The following DROSHA variants were observed in gnomAD, a reference collection of about 807,000 sequenced individuals.
DROSHA encodes ribonuclease 3.
In DROSHA, 56 loss-of-function variants were observed where a neutral mutation model predicts 181.9. The observed-to-expected ratio is 0.31, with a 90% CI of 0.25 to 0.38. The LOEUF (loss-of-function observed/expected upper bound fraction) is 0.38, where lower values mean the gene tolerates loss of function less well. Among genes scored for constraint, DROSHA ranks in the 10% least tolerant of loss-of-function variants. The probability of loss-of-function intolerance (pLI) is 1.00; values close to 1 mark genes in which losing one functional copy is unlikely to be tolerated. For synonymous variants in DROSHA, 524 were observed against 591.2 expected (o/e 0.89, Z 1.65); for missense variants, 1,218 against 1,743.5 (o/e 0.70, Z 5.37).
chr5:31,514,196 T>G lies in DROSHA; in HGVS notation c.1290+792A>C, dbSNP rs1217104635. On this transcript the variant is annotated intron_variant, in intron 8 of 35. Transcript: ENST00000344624. This position sits in a 1 kb window ranked among gnomAD's most constrained non-coding sequence, Gnocchi z 4.4. ...AAGGATACACTTCGAAGAGACAAACTCAAATTCTTCCTTATTTTTCATTTT... is the reference window on the plus strand; with the variant it reads ...AAGGATACACTTCGAAGAGACAAACGCAAATTCTTCCTTATTTTTCATTTT... Among the ~76,000 whole-genome samples the G allele has an allele frequency of 1.3e-5, 2 of 150,876 alleles. No individual in the cohort carries two copies. The highest frequency in any genetic ancestry group is 1.3e-4 in the Admixed American group (2 of 15,074).
intron 25 of DROSHA, among the ~76,000 whole-genome samples, chr5:31,432,699 G>A (rs1333971997): frequency 6.6e-6 from 1 of 152,080 alleles, no homozygotes; most frequent in African/African-American, 2.4e-5. Context: ...AGAGTTTAGA[G>A]CCAAATTTGT....
intron 9 of DROSHA, among the ~76,000 whole-genome samples, chr5:31,509,862 A>G (rs1561274848): frequency 6.6e-6 from 1 of 152,206 alleles, no homozygotes; most frequent in Non-Finnish European, 1.5e-5. Flanking sequence ...GTAGCATAGT[A>G]GTAATAAGGG....
chr5:31,469,759 T>C (rs1290380532), intron 17 of DROSHA, among the ~76,000 whole-genome samples: 3 of 152,192 alleles, frequency 2.0e-5, no homozygotes, highest in Admixed American at 6.5e-5. Flanking sequence ...AAATATATTC[T>C]AGACTTTGGC....
In DROSHA at chr5:31,439,879, G is replaced by A. The variant is rs140713734; in HGVS notation, c.2883-2581C>T. Among the ~76,000 whole-genome samples the A allele has an allele frequency of 3.1e-3, 465 of 152,260 alleles. 2 individuals carry two copies. Among genetic ancestry groups the A allele is most frequent in the African/African-American group, 0.011 (439 of 41,554 alleles). ...AGGACACGCAGAGCCCATGGGGCCT[G>A]AGCAAAGACAGCAAAGGACAGGCTT... is the stretch of plus-strand genomic sequence containing the variant. On this transcript the variant is annotated intron_variant, in intron 23 of 35. Coordinates refer to ENST00000344624, the MANE Select transcript of DROSHA (RefSeq NM_001382508.1).
rs144341221 is a variant in DROSHA at position 31,459,918 on chromosome 5, A to G, written c.2574+4318T>C. 2.9e-3 allele frequency among the ~76,000 whole-genome samples: 448 copies of G among 152,178 alleles called. 1 individual carries two copies. Among genetic ancestry groups the G allele is most frequent in the African/African-American group, 0.01 (429 of 41,522 alleles). On this transcript the variant is annotated intron_variant, in intron 20 of 35. Transcript: ENST00000344624. ...CTTTTTTTTTCCTTAAGAAGTTACAATGTCTCCGCATTTGGCATGAGTCTC... is the reference window on the plus strand; with the variant it reads ...CTTTTTTTTTCCTTAAGAAGTTACAGTGTCTCCGCATTTGGCATGAGTCTC...
chr5:31,427,731 CTT>C (rs1743662108), intron 27 of DROSHA, among the ~76,000 whole-genome samples: 1 of 152,240 alleles, frequency 6.6e-6, no homozygotes. Context: ...ATCAACCTGA[CTT>C]TGTTGCCTAC....
At chr5:31,441,246 C>T (rs1213499098) in intron 23 of DROSHA, among the ~76,000 whole-genome samples, 2 of 151,884 alleles carry the variant, frequency 1.3e-5, no homozygotes, top group East Asian at 3.9e-4. Context: ...CTTGTCTGTA[C>T]AAAAAATTTT....
At chr5:31,487,744 C>A (rs975955294) in intron 13 of DROSHA, among the ~76,000 whole-genome samples, 2 of 152,088 alleles carry the variant, frequency 1.3e-5, no homozygotes, top group Non-Finnish European at 2.9e-5. Context: ...AAGTTTAGTT[C>A]TTGGGGGCTT....
chr5:31,527,542 A>C (rs1480151374), intron 4 of DROSHA: 2 of 154,414 alleles, frequency 1.3e-5, no homozygotes, highest in African/African-American at 4.8e-5. Flanking sequence ...TGCTGATGAA[A>C]TCATAACGCT....
intron 30 of DROSHA, among the ~76,000 whole-genome samples, chr5:31,420,712 G>A (rs1580018497): frequency 6.7e-6 from 1 of 149,246 alleles, no homozygotes; most frequent in East Asian, 1.9e-4. Flanking sequence ...AATCCCAATG[G>A]CTAAATCCTA....
intron 12 of DROSHA, among the ~76,000 whole-genome samples, chr5:31,494,942 G>A (rs1231962145): frequency 6.6e-6 from 1 of 152,108 alleles, no homozygotes; most frequent in East Asian, 1.9e-4. Flanking sequence ...CCAAAGTGCT[G>A]GTATTACAGG....
rs748123754 is a variant in DROSHA, at chr5:31,477,070, C to T, written c.2072-4838G>A. ...GGTAAGCTAAGGTTAGCAGGAATTC[C>T]GCCAACTCTGGGACTGGAACTGTGA... On this transcript the variant is annotated intron_variant, in intron 16 of 35. Coordinates refer to ENST00000344624, the MANE Select transcript of DROSHA (RefSeq NM_001382508.1). Among the ~76,000 whole-genome samples the T allele has an allele frequency of 3.9e-5, 6 of 152,202 alleles. No homozygotes were observed. The East Asian group carries it at 7.7e-4, about 20-fold the overall frequency.
intron 20 of DROSHA, among the ~76,000 whole-genome samples, chr5:31,462,628 T>C (rs1178060522): frequency 4.2e-5 from 5 of 118,290 alleles, no homozygotes; most frequent in African/African-American, 1.7e-4. Flanking sequence ...AGCACTCTTG[T>C]TTGCTTCACA....
chr5:31,453,785 A>C (rs1470421541), intron 20 of DROSHA, among the ~76,000 whole-genome samples: 1 of 152,180 alleles, frequency 6.6e-6, no homozygotes, highest in African/African-American at 2.4e-5. Flanking sequence ...ACCCGTGTCC[A>C]TCTTGAATCC....
At chr5:31,513,543 A>G (rs548798537) in intron 8 of DROSHA, among the ~76,000 whole-genome samples, 1 of 152,332 alleles carries the variant, frequency 6.6e-6, no homozygotes, top group African/African-American at 2.4e-5. Context: ...CCTTCCCTGT[A>G]CCACATCAAC....
intron 10 of DROSHA, among the ~76,000 whole-genome samples, chr5:31,507,077 G>C (rs370252343): frequency 6.6e-6 from 1 of 152,142 alleles, no homozygotes; most frequent in African/African-American, 2.4e-5. Flanking sequence ...CACTTTGGGA[G>C]GCTGAGGCAG....
At chr5:31,529,734 C>CAAAAAAAAAAAACAAAAAAAAAAAAA (rs1741031817) in intron 3 of DROSHA, among the ~76,000 whole-genome samples, 1 of 91,330 alleles carries the variant, frequency 1.1e-5, no homozygotes, top group Non-Finnish European at 2.3e-5. Flanking sequence ...AAAAAACAAA[C>CAAAAAAAAAAAACAAAAAAAAAAAAA]AAAAAAAAAA....
intron 30 of DROSHA, among the ~76,000 whole-genome samples, chr5:31,420,725 T>C (rs1742559762): frequency 6.6e-6 from 1 of 152,174 alleles, no homozygotes; most frequent in Non-Finnish European, 1.5e-5. Context: ...AAATCCTAAC[T>C]ATCTTTAAAG....
At chr5:31,437,966 A>C (rs1436724134) in intron 23 of DROSHA, among the ~76,000 whole-genome samples, 1 of 152,156 alleles carries the variant, frequency 6.6e-6, no homozygotes, top group Non-Finnish European at 1.5e-5. Context: ...AGGCCTAGCA[A>C]AAATGTTATC....
Sources: allele counts gnomAD v4.1 joint callset (sites outside exome capture counted in the v4.1 genomes callset), GRCh38; gene constraint gnomAD v4.1.1; non-coding constraint Gnocchi (gnomAD v3.1); transcripts MANE v1.5; gene names NCBI Gene and HGNC (gene_info 2026-07-23, HGNC 2026-07-21).